Variants in FAT3 observed in about 807,000 individuals in gnomAD.
FAT3 encodes the protein FAT atypical cadherin 3, also known as protocadherin Fat 3.
Under a neutral mutation model 310.2 loss-of-function variants are expected in FAT3, and 95 were observed. That is an observed-to-expected ratio of 0.31 (90% CI 0.26 to 0.36). The LOEUF (loss-of-function observed/expected upper bound fraction) is 0.36, where lower values mean the gene tolerates loss of function less well. Ranked by LOEUF, FAT3 falls within the 10% of genes least tolerant of loss-of-function variation. FAT3 has a pLI of 1.00. For synonymous variants in FAT3, 2,314 were observed against 2,192.9 expected (o/e 1.06, Z -1.54); for missense variants, 5,408 against 5,715.6 (o/e 0.95, Z 1.74).
chr11:92,573,036 A>C (rs1386966082), intron 3 of FAT3, among the ~76,000 whole-genome samples: 1 of 152,122 alleles, frequency 6.6e-6, no homozygotes, highest in East Asian at 1.9e-4. Flanking sequence ...TCTATCTCCT[A>C]TTCTATTTTC....
intron 3 of FAT3, among the ~76,000 whole-genome samples, chr11:92,581,562 C>T (rs562966473): frequency 6.6e-6 from 1 of 152,132 alleles, no homozygotes; most frequent in South Asian, 2.1e-4. Context: ...GCACACATAG[C>T]ACCTATGAAT....
chr11:92,847,437 G>A (rs544759634), intron 19 of FAT3, among the ~76,000 whole-genome samples: 9 of 152,268 alleles, frequency 5.9e-5, no homozygotes, highest in Admixed American at 3.9e-4. Context: ...GCACAATGAC[G>A]AAATAGCCCA....
At chr11:92,314,003 A>C (rs1947372797) in intron 1 of FAT3, among the ~76,000 whole-genome samples, 1 of 152,240 alleles carries the variant, frequency 6.6e-6, no homozygotes, top group Non-Finnish European at 1.5e-5. Flanking sequence ...GCTAAGTGCC[A>C]AGGATATTTT....
chr11:92,473,547 A>G (rs374642708), intron 2 of FAT3, among the ~76,000 whole-genome samples: 14 of 152,318 alleles, frequency 9.2e-5, no homozygotes, highest in African/African-American at 3.4e-4. Context: ...ATCCTTGATT[A>G]TCTCATCTTA....
chr11:92,348,321 C>T (rs546169678), intron 1 of FAT3, among the ~76,000 whole-genome samples: 1 of 152,136 alleles, frequency 6.6e-6, no homozygotes, highest in Admixed American at 6.5e-5. Context: ...TTAAGACCAC[C>T]GATTCCGGTT....
chr11:92,716,620 C>T (rs1591642483), intron 4 of FAT3, among the ~76,000 whole-genome samples: 1 of 152,180 alleles, frequency 6.6e-6, no homozygotes, highest in Non-Finnish European at 1.5e-5. Flanking sequence ...GTTTCTGGCA[C>T]AGGTGAGTTG....
rs1250136008 is a variant in FAT3, at chr11:92,844,433, G to A, written c.11066G>A (p.Ser3689Asn). 6.2e-7 allele frequency: 1 copy of A among 1,613,982 alleles called. No homozygotes were observed. The highest frequency in any genetic ancestry group is 2.2e-5 in the East Asian group (1 of 44,874). The change falls in exon 19 of 28, where the codon AGC (serine) becomes AAC (asparagine). Residue 3689 changes from serine to asparagine, a missense_variant. Coordinates refer to ENST00000525166, the MANE Select transcript of FAT3 (RefSeq NM_001367949.2). ...AAGCAGGACAGCCTGCGCATCATCA[G>A]CATCCAGCCCGTGGCAGGCACCAAC... The part of the protein sequence containing the change: ...TQKQDSLRII[S>N]IQPVAGTNQL...
intron 2 of FAT3, among the ~76,000 whole-genome samples, chr11:92,374,134 G>A (rs1182170566): frequency 6.6e-6 from 1 of 151,790 alleles, no homozygotes; most frequent in African/African-American, 2.4e-5. Flanking sequence ...ATTGGATGAA[G>A]ATTAATCTTC....
At chr11:92,842,951 T>C (rs1483112864) in intron 18 of FAT3, among the ~76,000 whole-genome samples, 1 of 152,226 alleles carries the variant, frequency 6.6e-6, no homozygotes, top group Non-Finnish European at 1.5e-5. Context: ...AGTGTGTCTA[T>C]GGATTAGCCT....
intron 3 of FAT3, among the ~76,000 whole-genome samples, chr11:92,690,927 T>C (rs1489652495): frequency 2.0e-5 from 3 of 152,228 alleles, no homozygotes; most frequent in African/African-American, 7.2e-5. Flanking sequence ...AAGCACGTAC[T>C]TAACTGATAT....
Position 92,395,494 on chromosome 11 carries a change from A to G in FAT3, c.3292+40090A>G, listed in dbSNP as rs150461530. Among the ~76,000 whole-genome samples, 317 of 151,982 alleles carry G rather than the reference A, an allele frequency of 2.1e-3. 3 individuals are homozygous for G. The highest frequency in any genetic ancestry group is 7.4e-3 in the African/African-American group (308 of 41,476). ...GAGTTCAGCACTACAGCCTCATCAC[A>G]GTTCTCTCTGTTCTACAAGGATGCC... On this transcript the variant is annotated intron_variant, in intron 2 of 27. Transcript: ENST00000525166.
rs145659697 is a variant in FAT3 at position 92,761,524 on chromosome 11, C to T, written c.3670-332C>T. On this transcript the variant is annotated intron_variant, in intron 4 of 27. Transcript: ENST00000525166. ...CTCTTCCTGGCTTGCAGACAGCTAC[C>T]TTCTTTTGTGTGTTCACATGGCAGA... is the stretch of plus-strand genomic sequence containing the variant. Among the ~76,000 whole-genome samples, 1,059 of 152,272 alleles carry T rather than the reference C, an allele frequency of 7.0e-3. 12 individuals are homozygous for T. Among genetic ancestry groups the T allele is most frequent in the African/African-American group, 0.024 (998 of 41,522 alleles).
intron 1 of FAT3, among the ~76,000 whole-genome samples, chr11:92,306,742 TAAA>T (rs1280606418): frequency 8.0e-6 from 1 of 125,372 alleles, no homozygotes; most frequent in Admixed American, 1.1e-4. Flanking sequence ...TATTTATATA[TAAA>T]TATATATAAA....
At chr11:92,254,707 A>C in intron 1 of FAT3, among the ~76,000 whole-genome samples, 1 of 151,902 alleles carries the variant, frequency 6.6e-6, no homozygotes, top group East Asian at 1.9e-4. Context: ...CATTGTTATT[A>C]TTATTATTAT....
intron 3 of FAT3, among the ~76,000 whole-genome samples, chr11:92,626,690 T>A (rs185280842): frequency 6.6e-6 from 1 of 152,090 alleles, no homozygotes; most frequent in African/African-American, 2.4e-5. Flanking sequence ...CATGAGAAAC[T>A]TGAATAATTG....
intron 3 of FAT3, among the ~76,000 whole-genome samples, chr11:92,693,037 C>T (rs143852666): frequency 6.6e-6 from 1 of 152,078 alleles, no homozygotes; most frequent in Non-Finnish European, 1.5e-5. Context: ...GAACAGGCAG[C>T]CACATTTTCA....
At chr11:92,634,307 A>C (rs894700530) in intron 3 of FAT3, among the ~76,000 whole-genome samples, 1 of 151,958 alleles carries the variant, frequency 6.6e-6, no homozygotes, top group South Asian at 2.1e-4. Flanking sequence ...TTTGTTTTCT[A>C]TTTCCCTATC....
intron 1 of FAT3, among the ~76,000 whole-genome samples, chr11:92,316,081 G>GA (rs1326736382): frequency 6.6e-6 from 1 of 151,656 alleles, no homozygotes; most frequent in Non-Finnish European, 1.5e-5. Flanking sequence ...ATGTTTTGGT[G>GA]AAAAAAAGGA....
chr11:92,603,885 C>G (rs777431064), intron 3 of FAT3, among the ~76,000 whole-genome samples: 1 of 152,162 alleles, frequency 6.6e-6, no homozygotes, highest in Non-Finnish European at 1.5e-5. Context: ...GGACTGGAGT[C>G]TTATGTTCTG....
Sources: allele counts gnomAD v4.1 joint callset (sites outside exome capture counted in the v4.1 genomes callset), GRCh38; gene constraint gnomAD v4.1.1; transcripts MANE v1.5; gene names NCBI Gene and HGNC (gene_info 2026-07-23, HGNC 2026-07-21).